The following JAG1 variants were observed in gnomAD, a reference collection of about 807,000 sequenced individuals.
JAG1 encodes the protein protein jagged-1.
JAG1 carries 23 observed loss-of-function variants against 148.7 expected under a neutral mutation model. That is an observed-to-expected ratio of 0.15 (90% confidence interval 0.11 to 0.22). The LOEUF is 0.22. JAG1 is among the 10% of genes least tolerant of loss of function. JAG1 has a pLI of 1.00. For missense variants in JAG1, 1,054 were observed against 1,611.2 expected (o/e 0.65, Z 5.92); for synonymous variants, 572 against 598.3 (o/e 0.96, Z 0.64).
intron 12 of JAG1, 135 bp from the exon 13 acceptor site, chr20:10,648,245 C>T (rs1600183596): frequency 1.9e-6 from 2 of 1,040,102 alleles, no homozygotes; most frequent in East Asian, 4.9e-5. Context: ...CTGTAAGATA[C>T]ATCTCTATGC....
rs33929314 is a variant in JAG1, at chr20:10,673,166, CAA to C, written c.82-162_82-161del. 17,763 of 566,490 alleles carry C rather than the reference CAA, an allele frequency of 0.031. No individual in the cohort carries two copies. The highest frequency in any genetic ancestry group is 0.047 in the Middle Eastern group (99 of 2,110). 35.1% of individuals were successfully genotyped at this position (566,490 alleles called of 1,614,324 possible). A position where few individuals can be genotyped will look rare whatever the true frequency, so the allele number is the denominator to read the frequency against. ...TCAAGGACTCAACATGATTCCGGGGCAAAAAAAAAAAAAAATGCACGAGTGCG... is the reference window on the plus strand; with the variant it reads ...TCAAGGACTCAACATGATTCCGGGGCAAAAAAAAAAAAATGCACGAGTGCG... On this transcript the variant is annotated intron_variant, in intron 1 of 25. Transcript: ENST00000254958. The surrounding 1 kb of genome is among the most constrained non-coding windows in gnomAD (Gnocchi z 4.7).
At chr20:10,663,022 T>C (rs772164995) in intron 3 of JAG1, among the ~76,000 whole-genome samples, 2 of 133,244 alleles carry the variant, frequency 1.5e-5, no homozygotes, top group African/African-American at 2.9e-5. Flanking sequence ...GCATTCACCA[T>C]TTTCTGTCAG....
chr20:10,661,267 C>T (rs1431924989), intron 3 of JAG1, among the ~76,000 whole-genome samples: 1 of 152,046 alleles, frequency 6.6e-6, no homozygotes, highest in Admixed American at 6.6e-5. Flanking sequence ...AATTCTCTGC[C>T]CTAAAACTCA....
intron 2 of JAG1, among the ~76,000 whole-genome samples, chr20:10,667,196 C>T (rs565587986): frequency 1.2e-4 from 19 of 152,340 alleles, no homozygotes; most frequent in Non-Finnish European, 2.5e-4. Context: ...ACGCGTGCGG[C>T]GTCCAAAACC....
rs764032742 is a variant in JAG1, at chr20:10,672,875, A to G, written c.213T>C (p.Cys71=). The change falls in exon 2 of 26, where the codon TGT becomes TGC. Residue 71 remains cysteine, a synonymous_variant. Transcript: ENST00000254958. The part of the protein sequence containing the change: ...PGDRKCTRDE[C]DTYFKVCLKE... ...TGAGGCACACTTTGAAGTATGTGTCACACTCGTCGCGGGTGCACTTGCGGT... is the reference window on the plus strand; with the variant it reads ...TGAGGCACACTTTGAAGTATGTGTCGCACTCGTCGCGGGTGCACTTGCGGT... 1.2e-6 allele frequency: 2 copies of G among 1,613,318 alleles called. No individual in the cohort carries two copies. Among genetic ancestry groups the G allele is most frequent in the Non-Finnish European group, 1.7e-6 (2 of 1,180,032 alleles).
Position 10,641,123 on chromosome 20 carries a change from T to C in JAG1, c.3038A>G (p.His1013Arg), listed in dbSNP as rs758687380. 2 of 1,614,100 alleles carry C rather than the reference T, an allele frequency of 1.2e-6. No individual in the cohort carries two copies. The highest frequency in any genetic ancestry group is 1.7e-6 in the Non-Finnish European group (2 of 1,180,026). ...EPSPSANNEI[H>R]VAISAEDIRD... is the part of the protein sequence containing the mutation. ...GGGTCTTATACTTACAATGGCCACA[T>C]GTATTTCATTGTTCGCTGAAGGGGA... The change falls in exon 24 of 26, where the codon CAT becomes CGT. Residue 1013 changes from histidine (H) to arginine (R), a missense_variant. By Grantham distance (29) the His-to-Arg change is conservative. Transcript: ENST00000254958.
intron 18 of JAG1, 181 bp downstream of exon 18, chr20:10,644,682 C>T (rs2067295629): frequency 1.5e-6 from 1 of 661,912 alleles, no homozygotes; most frequent in African/African-American, 1.8e-5. Flanking sequence ...CTCCACTTAT[C>T]TTATTGGCGA....
intron 5 of JAG1, among the ~76,000 whole-genome samples, chr20:10,655,750 T>G (rs1481239751): frequency 6.6e-6 from 1 of 151,884 alleles, no homozygotes; most frequent in Non-Finnish European, 1.5e-5. Flanking sequence ...CAAACGGGCG[T>G]AATATAAATT....
intron 13 of JAG1, 132 bp from the exon 14 acceptor site, chr20:10,647,235 G>T: frequency 2.0e-6 from 2 of 1,009,016 alleles, no homozygotes; most frequent in Middle Eastern, 2.8e-4. Flanking sequence ...CCCCAGGGAA[G>T]CCAAGATACT....
In JAG1 at chr20:10,645,462, A is replaced by G. The variant is rs760445552; in HGVS notation, c.2007T>C (p.Asn669=). Residue 669 remains asparagine (N), a synonymous_variant, in exon 16 of 26, where the codon AAT becomes AAC. Coordinates refer to ENST00000254958, the MANE Select transcript of JAG1 (RefSeq NM_000214.3). This position sits in a 1 kb window ranked among gnomAD's most constrained non-coding sequence, Gnocchi z 6.1. The stretch of plus-strand genomic sequence containing the variant: ...TGTGGCAGGGGTTCTGGCTGCAGTC[A>G]TTAATATCTAGAATCAAAGGGGAGA... ...WEGAYCETNI[N]DCSQNPCHNG... 1.2e-6 allele frequency: 2 copies of G among 1,613,358 alleles called. No individual in the cohort carries two copies. The highest frequency in any genetic ancestry group is 1.1e-5 in the South Asian group (1 of 91,066).
At position 10,639,864 on chromosome 20, in the gene JAG1, C is replaced by G. The variant is rs1600177787; in HGVS notation, c.3291G>C (p.Arg1097=). The G allele has an allele frequency of 1.9e-6, 3 of 1,614,040 alleles. No homozygotes were observed. Among genetic ancestry groups the G allele is most frequent in the Non-Finnish European group, 2.5e-6 (3 of 1,180,002 alleles). The change falls in exon 26 of 26, where the codon CGG becomes CGC. Residue 1097 remains arginine (R), a synonymous_variant. Transcript: ENST00000254958. ...TAFYWCLRKR[R]KPGSHTHSAS... Reference sequence around the variant, plus strand: ...CTGAGTGTGTGTGGCTGCCCGGCTTCCGCCGCTTCCGCAGGCACCAGTAGA... The same window carrying G: ...CTGAGTGTGTGTGGCTGCCCGGCTTGCGCCGCTTCCGCAGGCACCAGTAGA...
intron 20 of JAG1, 36 bp from the exon 21 acceptor site, chr20:10,642,637 G>C: frequency 8.4e-7 from 1 of 1,185,714 alleles, no homozygotes; most frequent in Non-Finnish European, 1.3e-6. Context: ...GGGACTGATG[G>C]TGTGTGGCAA....
At chr20:10,646,841 ACTTTC>A in intron 14 of JAG1, 93 bp downstream of exon 14, 11 of 1,248,526 alleles carry the variant, frequency 8.8e-6, no homozygotes, top group Non-Finnish European at 1.2e-5. Flanking sequence ...AAAAAAAAAA[ACTTTC>A]AACACCAATG....
At chr20:10,642,384 T>C in intron 21 of JAG1, 104 bp downstream of exon 21, 1 of 684,328 alleles carries the variant, frequency 1.5e-6, no homozygotes, top group East Asian at 2.7e-5. Flanking sequence ...CACTGTGTGT[T>C]CCCTTCCCTG....
chr20:10,656,501 C>T (rs774735629), intron 4 of JAG1, 43 bp from the exon 5 acceptor site: 97 of 1,542,386 alleles, frequency 6.3e-5, no homozygotes, highest in Non-Finnish European at 8.3e-5. Context: ...CTGCCTGTTC[C>T]TTGCATCGCC....
chr20:10,639,420 A>G lies in JAG1; in HGVS notation c.*78T>C. The G allele has an allele frequency of 1.5e-6, 2 of 1,298,078 alleles. No individual in the cohort carries two copies. The highest frequency in any genetic ancestry group is 2.2e-6 in the Non-Finnish European group (2 of 891,908). The allele number at this position is 1,298,078 out of a possible 1,614,324, so 80.4% of individuals were successfully genotyped here. A position where few individuals can be genotyped will look rare whatever the true frequency, so the allele number is the denominator to read the frequency against. On this transcript the variant is annotated 3_prime_UTR_variant, in exon 26 of 26. Coordinates refer to ENST00000254958, the MANE Select transcript of JAG1 (RefSeq NM_000214.3). ...GGGATTCTAAGTCAGCAACGGCCTC[A>G]GACTCGAGTATGACACGACAGTTTA... is the stretch of plus-strand genomic sequence containing the variant.
Position 10,652,500 on chromosome 20 carries a change from T to A in JAG1, c.854A>T (p.Glu285Val). 1 of 1,614,122 alleles carries A rather than the reference T, an allele frequency of 6.2e-7. No homozygotes were observed. Among genetic ancestry groups the A allele is most frequent in the Non-Finnish European group, 8.5e-7 (1 of 1,180,012 alleles). The change falls in exon 6 of 26, where the codon GAG becomes GTG. Residue 285 changes from glutamate to valine, a missense_variant. Around this residue, in one of 6 missense-constraint regions of JAG1, gnomAD observed 104 missense variants for 235.2 expected, o/e 0.44. Transcript: ENST00000254958. The part of the protein sequence containing the change: ...ICNEPWQCLC[E>V]TNWGGQLCDK... ...ACAGAGCTGGCCGCCCCAGTTGGTC[T>A]CACAGAGGCACTGCCAGGGCTCATT...
Position 10,652,008 on chromosome 20 carries a change from T to A in JAG1, c.1006+123A>T, listed in dbSNP as rs954592165. 1.3e-4 allele frequency: 147 copies of A among 1,138,294 alleles called. No homozygotes were observed. In the Admixed American group the frequency reaches 2.5e-3, roughly 19 times the overall value. 70.5% of individuals were successfully genotyped at this position (1,138,294 alleles called of 1,614,324 possible). A position where few individuals can be genotyped will look rare whatever the true frequency, so the allele number is the denominator to read the frequency against. ...ACAAAGGCTTATAGAATGGTTGGGA[T>A]AAGGCCTATCTTTGGAAGCTATTTT... On this transcript the variant is annotated intron_variant, in intron 7 of 25. Transcript: ENST00000254958.
intron 2 of JAG1, among the ~76,000 whole-genome samples, chr20:10,664,995 T>C (rs1402126489): frequency 6.6e-6 from 1 of 152,238 alleles, no homozygotes; most frequent in Admixed American, 6.5e-5. Context: ...TTCTGCTATC[T>C]TGGCACTGAA....
Sources: allele counts gnomAD v4.1 joint callset (sites outside exome capture counted in the v4.1 genomes callset), GRCh38; gene constraint gnomAD v4.1.1; regional missense constraint gnomAD v4.1.1; non-coding constraint Gnocchi (gnomAD v3.1); transcripts MANE v1.5; gene names NCBI Gene and HGNC (gene_info 2026-07-23, HGNC 2026-07-21).